Variants in SUSD1 observed in about 807,000 individuals in gnomAD.
The protein encoded by SUSD1 is sushi domain-containing protein 1.
A neutral mutation model predicts 86.9 loss-of-function variants in SUSD1; 65 were observed. The observed-to-expected ratio is 0.75, with a 90% CI of 0.61 to 0.92. SUSD1 has a LOEUF of 0.92. Ranked by LOEUF, SUSD1 falls within the 40% of genes least tolerant of loss-of-function variation. The pLI is 0.00. For missense variants in SUSD1, 850 were observed against 929.7 expected (o/e 0.91, Z 1.11); for synonymous variants, 346 against 350.0 (o/e 0.99, Z 0.13).
chr9:112,160,167 G>A (rs1238168348), intron 1 of SUSD1, among the ~76,000 whole-genome samples: 1 of 152,086 alleles, frequency 6.6e-6, no homozygotes, highest in Admixed American at 6.6e-5. Context: ...ATGCACTGGG[G>A]GAAAATTACA....
At chr9:112,049,454 T>C (rs1828095800) in intron 15 of SUSD1, among the ~76,000 whole-genome samples, 1 of 152,198 alleles carries the variant, frequency 6.6e-6, no homozygotes, top group South Asian at 2.1e-4. Context: ...GGCTGATTAG[T>C]AGCAGAAGAC....
chr9:112,078,070 C>T (rs558994474), intron 12 of SUSD1, among the ~76,000 whole-genome samples: 3 of 152,086 alleles, frequency 2.0e-5, no homozygotes, highest in East Asian at 3.9e-4. Context: ...ACAGGCTGGG[C>T]GCAGTGGCTT....
intron 2 of SUSD1, among the ~76,000 whole-genome samples, chr9:112,150,288 G>A (rs562871986): frequency 1.6e-4 from 25 of 152,350 alleles, no homozygotes; most frequent in African/African-American, 6.0e-4. Flanking sequence ...AATTTAAGAG[G>A]AAACTCCTGT....
At chr9:112,067,004 T>C (rs542053390) in intron 12 of SUSD1, among the ~76,000 whole-genome samples, 80 of 152,256 alleles carry the variant, frequency 5.3e-4, no homozygotes, top group African/African-American at 1.8e-3. Context: ...GCCTCCCGAG[T>C]AGCTGGGACT....
intron 8 of SUSD1, among the ~76,000 whole-genome samples, chr9:112,110,438 C>G (rs145966379): frequency 1.3e-3 from 194 of 152,084 alleles, no homozygotes; most frequent in African/African-American, 4.4e-3. Context: ...GCCCCGTCAC[C>G]CAGGTTGGAG....
In SUSD1 at chr9:112,082,991, C is replaced by T. The variant is rs535363474; in HGVS notation, c.1475-2826G>A. Reference sequence around the variant, plus strand: ...CAGCCTCCAAGCAATCCTCCTACCTCAGCATCCCAAAGTGCTGGATTATAA... The same window carrying T: ...CAGCCTCCAAGCAATCCTCCTACCTTAGCATCCCAAAGTGCTGGATTATAA... On this transcript the variant is annotated intron_variant, in intron 10 of 16. Coordinates refer to ENST00000374270, the MANE Select transcript of SUSD1 (RefSeq NM_022486.5). Among the ~76,000 whole-genome samples the T allele has an allele frequency of 2.0e-5, 3 of 152,230 alleles. No individual in the cohort carries two copies. In the East Asian group the frequency reaches 5.8e-4, roughly 30 times the overall value.
chr9:112,141,868 CAT>C (rs1011973522), intron 5 of SUSD1, among the ~76,000 whole-genome samples: 10 of 136,854 alleles, frequency 7.3e-5, no homozygotes, highest in African/African-American at 1.9e-4. Flanking sequence ...TATATATATA[CAT>C]ATATGTGTGT....
intron 10 of SUSD1, among the ~76,000 whole-genome samples, chr9:112,082,824 C>G (rs571003967): frequency 6.6e-6 from 1 of 152,202 alleles, no homozygotes; most frequent in Admixed American, 6.5e-5. Context: ...CTCAAGTGAT[C>G]CCCCTGCCTC....
intron 6 of SUSD1, among the ~76,000 whole-genome samples, chr9:112,120,003 A>C (rs1831486047): frequency 6.6e-6 from 1 of 152,218 alleles, no homozygotes; most frequent in Admixed American, 6.5e-5. Flanking sequence ...AGAAGCAGAA[A>C]AGTAGAAAAA....
At chr9:112,093,241 A>C (rs1462423777) in intron 10 of SUSD1, among the ~76,000 whole-genome samples, 3 of 152,198 alleles carry the variant, frequency 2.0e-5, no homozygotes, top group African/African-American at 7.2e-5. Flanking sequence ...TATGTAATCT[A>C]ATTGGTAGGA....
intron 15 of SUSD1, among the ~76,000 whole-genome samples, chr9:112,047,060 T>C (rs1395701973): frequency 6.6e-6 from 1 of 152,164 alleles, no homozygotes; most frequent in African/African-American, 2.4e-5. Context: ...AAGAACTACC[T>C]GAGACTGGGT....
chr9:112,141,939 T>C (rs952383436), intron 5 of SUSD1, among the ~76,000 whole-genome samples: 3 of 147,944 alleles, frequency 2.0e-5, no homozygotes, highest in African/African-American at 7.4e-5. Flanking sequence ...TATATATATA[T>C]ATATACACCT....
At chr9:112,156,042 A>G (rs2131815624) in intron 2 of SUSD1, among the ~76,000 whole-genome samples, 1 of 151,844 alleles carries the variant, frequency 6.6e-6, no homozygotes, top group East Asian at 1.9e-4. Context: ...GGAAGAGAAG[A>G]AGAAAGAAAA....
At chr9:112,115,032 C>T (rs146114340) in intron 6 of SUSD1, among the ~76,000 whole-genome samples, 7 of 152,274 alleles carry the variant, frequency 4.6e-5, no homozygotes, top group African/African-American at 1.7e-4. Flanking sequence ...TAAATATAAA[C>T]CCAGTGAAAG....
At chr9:112,104,544 G>A (rs1830757646) in intron 8 of SUSD1, among the ~76,000 whole-genome samples, 1 of 152,106 alleles carries the variant, frequency 6.6e-6, no homozygotes, top group South Asian at 2.1e-4. Flanking sequence ...CCTCTTTCCT[G>A]CCTTGGTAGG....
At chr9:112,129,505 G>C (rs1831924193) in intron 5 of SUSD1, among the ~76,000 whole-genome samples, 1 of 152,108 alleles carries the variant, frequency 6.6e-6, no homozygotes, top group Admixed American at 6.6e-5. Flanking sequence ...TAAATATGGG[G>C]TTTCACCATG....
At chr9:112,070,463 G>A (rs1294271161) in intron 12 of SUSD1, among the ~76,000 whole-genome samples, 1 of 152,130 alleles carries the variant, frequency 6.6e-6, no homozygotes, top group African/African-American at 2.4e-5. Context: ...GATGTCCTGG[G>A]TAGACCTGCT....
intron 12 of SUSD1, among the ~76,000 whole-genome samples, chr9:112,072,313 T>C (rs1829319448): frequency 6.6e-6 from 1 of 151,898 alleles, no homozygotes; most frequent in South Asian, 2.1e-4. Flanking sequence ...CACACCCAGC[T>C]AATTTTTGTA....
Position 112,063,241 on chromosome 9 carries a change from A to G in SUSD1, c.1754-208T>C, listed in dbSNP as rs980492841. Among the ~76,000 whole-genome samples the G allele has an allele frequency of 7.4e-4, 112 of 152,200 alleles. 1 individual carries two copies. The highest frequency in any genetic ancestry group is 4.4e-5 in the Non-Finnish European group (3 of 68,032). The stretch of plus-strand genomic sequence containing the variant: ...ATTCTCTATCATTCCACTTAGATGA[A>G]AAATCTAACATAGGCAAATTCATAG... On this transcript the variant is annotated intron_variant, in intron 12 of 16. Transcript: ENST00000374270.
Sources: allele counts gnomAD v4.1 joint callset (sites outside exome capture counted in the v4.1 genomes callset), GRCh38; gene constraint gnomAD v4.1.1; transcripts MANE v1.5; gene names NCBI Gene and HGNC (gene_info 2026-07-23, HGNC 2026-07-21).